The following TGFBR1 variants were observed in gnomAD, a reference collection of about 807,000 sequenced individuals.
TGFBR1 encodes the protein TGF-beta receptor type-1.
Under a neutral mutation model 55.1 loss-of-function variants are expected in TGFBR1, and 20 were observed. The observed-to-expected ratio is 0.36, with a 90% CI of 0.26 to 0.53. The LOEUF (loss-of-function observed/expected upper bound fraction) is 0.53. Among genes scored for constraint, TGFBR1 ranks in the 20% least tolerant of loss-of-function variants. TGFBR1 has a pLI of 0.91. For synonymous variants in TGFBR1, 220 were observed against 214.8 expected (o/e 1.02, Z -0.21); for missense variants, 385 against 617.6 (o/e 0.62, Z 3.99).
chr9:99,148,468 T>A (rs1293040511), intron 8 of TGFBR1, among the ~76,000 whole-genome samples: 1 of 152,188 alleles, frequency 6.6e-6, no homozygotes, highest in Non-Finnish European at 1.5e-5. Context: ...CAGAGCATAT[T>A]CCTCCAGGTT....
intron 1 of TGFBR1, among the ~76,000 whole-genome samples, chr9:99,109,236 T>G (rs1373410138): frequency 2.0e-5 from 3 of 152,180 alleles, no homozygotes; most frequent in African/African-American, 7.2e-5. Flanking sequence ...CAATTTTTTT[T>G]TAATTGCTGA....
chr9:99,118,012 G>A (rs181102027), intron 1 of TGFBR1, among the ~76,000 whole-genome samples: 3 of 152,036 alleles, frequency 2.0e-5, no homozygotes, highest in Non-Finnish European at 1.5e-5. Flanking sequence ...TATCTCCTTT[G>A]TAATTTCTAT....
At chr9:99,118,090 A>G (rs1044155167) in intron 1 of TGFBR1, among the ~76,000 whole-genome samples, 3 of 152,156 alleles carry the variant, frequency 2.0e-5, no homozygotes, top group Admixed American at 1.3e-4. Context: ...GTTTATTCCT[A>G]GTTTTTAGAT....
intron 4 of TGFBR1, among the ~76,000 whole-genome samples, chr9:99,142,174 TC>T (rs1827634079): frequency 6.6e-6 from 1 of 152,102 alleles, no homozygotes; most frequent in Non-Finnish European, 1.5e-5. Context: ...TAACCTTCTC[TC>T]CTTCCAGGAA....
intron 1 of TGFBR1, chr9:99,127,629 A>G (rs1827078018): frequency 7.5e-6 from 2 of 265,112 alleles, no homozygotes; most frequent in Non-Finnish European, 1.5e-5. Context: ...CTTGTACAGC[A>G]AGTTAGCTCT....
chr9:99,119,043 C>T (rs1826829424), intron 1 of TGFBR1, among the ~76,000 whole-genome samples: 1 of 152,082 alleles, frequency 6.6e-6, no homozygotes, highest in African/African-American at 2.4e-5. Context: ...CTCTATCCTC[C>T]TAAAGGTTTT....
intron 4 of TGFBR1, among the ~76,000 whole-genome samples, chr9:99,139,447 A>G (rs1324126892): frequency 2.0e-5 from 3 of 152,140 alleles, no homozygotes; most frequent in Non-Finnish European, 4.4e-5. Context: ...AATTTCCAAT[A>G]TGTAGAAAAG....
At chr9:99,112,937 CTCTG>C (rs1261419645) in intron 1 of TGFBR1, among the ~76,000 whole-genome samples, 2 of 150,478 alleles carry the variant, frequency 1.3e-5, no homozygotes, top group Non-Finnish European at 3.0e-5. Flanking sequence ...CTCTCTCTCT[CTCTG>C]TCTTTCTCTT....
Position 99,151,194 on chromosome 9 carries a change from T to C in TGFBR1, c.*1889T>C, listed in dbSNP as rs1827969927. On this transcript the variant is annotated 3_prime_UTR_variant, in exon 9 of 9. Transcript: ENST00000374994. ...ACATAGGAATTTAGTGTCAATTTCA[T>C]GTGTTTAAAAACATCATGGGAAAAA... 4.3e-6 allele frequency: 1 copy of C among 230,860 alleles called. No homozygotes were observed. The highest frequency in any genetic ancestry group is 8.6e-6 in the Non-Finnish European group (1 of 116,578). The allele number at this position is 230,860 out of a possible 1,614,324, so 14.3% of individuals were successfully genotyped here.
At chr9:99,124,815 G>A (rs559133444) in intron 1 of TGFBR1, among the ~76,000 whole-genome samples, 21 of 152,146 alleles carry the variant, frequency 1.4e-4, no homozygotes, top group Non-Finnish European at 2.4e-4. Flanking sequence ...GATTGAAAGA[G>A]TAGTTAAGAA....
intron 7 of TGFBR1, 59 bp from the exon 8 acceptor site, chr9:99,147,595 A>G: frequency 1.3e-6 from 2 of 1,524,924 alleles, no homozygotes; most frequent in Non-Finnish European, 1.8e-6. Flanking sequence ...TGATCTTTTA[A>G]TGCCTTGGCA....
At position 99,108,223 on chromosome 9, in the gene TGFBR1, G is replaced by T. The variant is rs111887832; in HGVS notation, c.97+2921G>T. On this transcript the variant is annotated intron_variant, in intron 1 of 8. Transcript: ENST00000374994. Reference sequence around the variant, plus strand: ...AAATAATCAGGAAAAGTTGTATGGCGTGTTGAAAGCAATTGGTTATTTGTC... The same window carrying T: ...AAATAATCAGGAAAAGTTGTATGGCTTGTTGAAAGCAATTGGTTATTTGTC... Among the ~76,000 whole-genome samples the T allele has an allele frequency of 8.6e-3, 1,302 of 152,264 alleles. 6 individuals are homozygous for T. The highest frequency in any genetic ancestry group is 0.033 in the East Asian group (169 of 5,184).
chr9:99,120,719 T>C (rs1161779485), intron 1 of TGFBR1, among the ~76,000 whole-genome samples: 1 of 152,224 alleles, frequency 6.6e-6, no homozygotes, highest in Non-Finnish European at 1.5e-5. Context: ...AGATTTTTGC[T>C]CTCACCTATT....
intron 1 of TGFBR1, among the ~76,000 whole-genome samples, chr9:99,111,603 C>T (rs566785371): frequency 1.2e-4 from 18 of 151,852 alleles, no homozygotes; most frequent in South Asian, 2.1e-4. Flanking sequence ...CACTCCAGCC[C>T]GGGCGACAGA....
chr9:99,149,113 A>G, intron 8 of TGFBR1, 67 bp from the exon 9 acceptor site: 1 of 1,520,616 alleles, frequency 6.6e-7, no homozygotes, highest in Non-Finnish European at 8.9e-7. Context: ...TTTACACGTA[A>G]AAATTCTTAT....
chr9:99,115,303 C>T (rs1187713943), intron 1 of TGFBR1, among the ~76,000 whole-genome samples: 1 of 151,976 alleles, frequency 6.6e-6, no homozygotes, highest in African/African-American at 2.4e-5. Flanking sequence ...AAAACCATTC[C>T]ATCTAGATTT....
At chr9:99,109,404 G>A (rs531236857) in intron 1 of TGFBR1, among the ~76,000 whole-genome samples, 23 of 152,196 alleles carry the variant, frequency 1.5e-4, no homozygotes, top group African/African-American at 5.5e-4. Flanking sequence ...ATTAAGAGAG[G>A]AATTGACATA....
chr9:99,130,833 C>G (rs1362099324), intron 2 of TGFBR1, among the ~76,000 whole-genome samples: 1 of 152,144 alleles, frequency 6.6e-6, no homozygotes, highest in African/African-American at 2.4e-5. Flanking sequence ...GAACATTTCA[C>G]AGTTGTTAAA....
At chr9:99,128,563 T>C (rs1827110427) in intron 1 of TGFBR1, 1 of 478,674 alleles carries the variant, frequency 2.1e-6, no homozygotes, top group African/African-American at 2.0e-5. Flanking sequence ...TTGCCTTGCT[T>C]TGATGAAATT....
Sources: gnomAD v4.1 joint callset for allele counts (sites outside exome capture counted in the v4.1 genomes callset) on GRCh38, gnomAD v4.1.1 for gene constraint, MANE v1.5 for transcripts, NCBI Gene and HGNC (gene_info 2026-07-23, HGNC 2026-07-21) for gene names.